Variants in CECR2 observed in about 807,000 individuals in gnomAD.
CECR2 encodes CECR2 histone acetyl-lysine reader.
A neutral mutation model predicts 154.5 loss-of-function variants in CECR2; 30 were observed. The ratio of observed to expected loss-of-function variants is 0.19; its 90% CI spans 0.15 to 0.26. The LOEUF (loss-of-function observed/expected upper bound fraction) is 0.26. Among genes scored for constraint, CECR2 ranks in the 10% least tolerant of loss-of-function variants. CECR2 has a pLI of 1.00. For missense variants in CECR2, 1,743 were observed against 1,829.3 expected (o/e 0.95, Z 0.86); for synonymous variants, 725 against 683.7 (o/e 1.06, Z -0.94).
intron 2 of CECR2, among the ~76,000 whole-genome samples, chr22:17,489,146 C>T (rs1051800540): frequency 1.9e-4 from 29 of 152,166 alleles, no homozygotes; most frequent in Admixed American, 6.5e-5. Flanking sequence ...GTTAATCAAG[C>T]TGGTCTTGAA....
chr22:17,477,603 C>A lies in CECR2; in HGVS notation c.142C>A (p.Leu48Ile). 6.2e-7 allele frequency: 1 copy of A among 1,612,732 alleles called. No individual in the cohort carries two copies. The highest frequency in any genetic ancestry group is 8.5e-7 in the Non-Finnish European group (1 of 1,179,044). The change falls in exon 2 of 19, where the codon CTT (leucine) becomes ATT (isoleucine). Residue 48 changes from leucine to isoleucine, a missense_variant. By Grantham distance (5) the Leu-to-Ile change is conservative. Coordinates refer to ENST00000262608, the MANE Select transcript of CECR2 (RefSeq NM_001290047.2). The part of the protein sequence containing the change: ...DFEIEELEAA[L>I]HRDDVEFISD... The stretch of plus-strand genomic sequence containing the variant: ...CCTCCCTCAGGAGTTAGAAGCCGCT[C>A]TTCACAGAGATGACGTGGAGTTTAT...
intron 1 of CECR2, among the ~76,000 whole-genome samples, chr22:17,415,114 A>G (rs1402263796): frequency 6.6e-6 from 1 of 152,206 alleles, no homozygotes; most frequent in Non-Finnish European, 1.5e-5. Context: ...GGTGGGCACT[A>G]TAAAGTCATT....
chr22:17,378,070 G>GC (rs35157189), intron 1 of CECR2, among the ~76,000 whole-genome samples: 65,877 of 151,238 alleles, frequency 0.44, 14,893 homozygotes, highest in Middle Eastern at 0.56. Flanking sequence ...TGCAACCTCC[G>GC]CCCCCCGGGT....
intron 1 of CECR2, among the ~76,000 whole-genome samples, chr22:17,426,600 G>A (rs1383756024): frequency 3.3e-5 from 5 of 152,178 alleles, no homozygotes; most frequent in East Asian, 1.9e-4. Flanking sequence ...CAGGTGATCC[G>A]CCCGCCTCAG....
intron 1 of CECR2, among the ~76,000 whole-genome samples, chr22:17,466,761 A>C (rs1176031242): frequency 6.6e-6 from 1 of 151,956 alleles, no homozygotes; most frequent in Non-Finnish European, 1.5e-5. Context: ...TGCCTGGCTA[A>C]TTTTTGTATT....
At chr22:17,405,273 A>G (rs1038135794) in intron 1 of CECR2, among the ~76,000 whole-genome samples, 1 of 151,884 alleles carries the variant, frequency 6.6e-6, no homozygotes, top group Admixed American at 6.6e-5. Flanking sequence ...TTAGCTGGGC[A>G]TGGTGGTGGA....
At chr22:17,448,316 A>G (rs546757038) in intron 1 of CECR2, among the ~76,000 whole-genome samples, 2 of 152,294 alleles carry the variant, frequency 1.3e-5, no homozygotes, top group South Asian at 4.1e-4. Context: ...GTTGATATAA[A>G]TAGTCTAGTT....
chr22:17,504,100 A>G (rs117893915), intron 6 of CECR2, among the ~76,000 whole-genome samples: 19,947 of 143,572 alleles, frequency 0.14, 1,540 homozygotes, highest in Non-Finnish European at 0.18. Flanking sequence ...GGCCAGGTGC[A>G]GTGGCTCACA....
At chr22:17,546,747 AG>A (rs1477417620) in intron 16 of CECR2, among the ~76,000 whole-genome samples, 1 of 151,958 alleles carries the variant, frequency 6.6e-6, no homozygotes, top group East Asian at 1.9e-4. Flanking sequence ...GATAATAAAA[AG>A]ATTATTTTGG....
At chr22:17,498,720 C>A (rs560174244) in intron 3 of CECR2, among the ~76,000 whole-genome samples, 1 of 152,106 alleles carries the variant, frequency 6.6e-6, no homozygotes, top group South Asian at 2.1e-4. Context: ...TGGGGCAAAG[C>A]TTGCCCCGTG....
rs1894865599 is a variant in CECR2, at chr22:17,540,621, C to T, written c.1705C>T (p.Pro569Ser). ...DPEGSSRKQQ[P>S]MENGGKSLPP... ...AGAAGGGTCCAGCAGGAAACAGCAGCCCATGGAGAATGGAGGAAAGTCGTT... is the reference window on the plus strand; with the variant it reads ...AGAAGGGTCCAGCAGGAAACAGCAGTCCATGGAGAATGGAGGAAAGTCGTT... The change falls in exon 14 of 19, where the codon CCC becomes TCC. Residue 569 changes from proline (P) to serine (S), a missense_variant. Coordinates refer to ENST00000262608, the MANE Select transcript of CECR2 (RefSeq NM_001290047.2). 3 of 1,613,832 alleles carry T rather than the reference C, an allele frequency of 1.9e-6. No homozygotes were observed. Among genetic ancestry groups the T allele is most frequent in the Admixed American group, 1.7e-5 (1 of 59,994 alleles).
At chr22:17,365,760 A>G (rs1056807539), upstream of CECR2, among the ~76,000 whole-genome samples, 3 of 152,018 alleles carry the variant, frequency 2.0e-5, no homozygotes, top group African/African-American at 7.2e-5. Flanking sequence ...AGTGCCAGCT[A>G]TCTGGGAGGC....
intron 1 of CECR2, among the ~76,000 whole-genome samples, chr22:17,390,155 T>G (rs2063311177): frequency 6.6e-6 from 1 of 152,190 alleles, no homozygotes. Context: ...CTCTTTAGTC[T>G]CCTTTAAAAT....
At chr22:17,522,774 G>A (rs182229335) in intron 8 of CECR2, among the ~76,000 whole-genome samples, 216 of 152,290 alleles carry the variant, frequency 1.4e-3, no homozygotes, top group African/African-American at 4.7e-3. Flanking sequence ...GGAGGCTGAG[G>A]TGGGCGGATC....
intron 9 of CECR2, among the ~76,000 whole-genome samples, chr22:17,529,556 CAG>C (rs2056320543): frequency 6.6e-6 from 1 of 151,928 alleles, no homozygotes; most frequent in African/African-American, 2.4e-5. Flanking sequence ...AAAAATTAGC[CAG>C]GCGTGGTGGC....
upstream of CECR2, among the ~76,000 whole-genome samples, chr22:17,367,101 C>T (rs745449560): frequency 6.6e-6 from 1 of 152,168 alleles, no homozygotes; most frequent in Non-Finnish European, 1.5e-5. Flanking sequence ...GCGTGCCGTT[C>T]CCGGACAGTC....
At chr22:17,476,883 C>G (rs979049632) in intron 1 of CECR2, among the ~76,000 whole-genome samples, 15 of 152,170 alleles carry the variant, frequency 9.9e-5, no homozygotes, top group African/African-American at 3.4e-4. Flanking sequence ...AGTTCCCCAC[C>G]ACCACTTTTT....
At chr22:17,502,963 AAC>A in intron 5 of CECR2, 117 bp from the exon 6 acceptor site, 26 of 805,828 alleles carry the variant, frequency 3.2e-5, no homozygotes, top group Non-Finnish European at 4.7e-5. Flanking sequence ...TTGTCCCCTT[AAC>A]ACACACACAT....
Position 17,524,387 on chromosome 22 carries a change from CTTTTTT to C in CECR2, c.1108+134_1108+139del, listed in dbSNP as rs200102476. On this transcript the variant is annotated intron_variant, in intron 9 of 18. Coordinates refer to ENST00000262608, the MANE Select transcript of CECR2 (RefSeq NM_001290047.2). The stretch of plus-strand genomic sequence containing the variant: ...GCATCCAAGTTGTTTCCGGCAATTT[CTTTTTT>C]TTTTTTTTTTTTTTTTTGAGACGGA... 9.4e-4 allele frequency: 369 copies of C among 391,892 alleles called. 1 individual carries two copies. The highest frequency in any genetic ancestry group is 4.1e-3 in the Middle Eastern group (5 of 1,216). 24.3% of individuals were successfully genotyped at this position (391,892 alleles called of 1,614,324 possible).
Sources: gnomAD v4.1 joint callset for allele counts (sites outside exome capture counted in the v4.1 genomes callset) on GRCh38, gnomAD v4.1.1 for gene constraint, MANE v1.5 for transcripts, NCBI Gene and HGNC (gene_info 2026-07-23, HGNC 2026-07-21) for gene names.